AGBL4: variants seen among roughly 807,000 people sequenced by gnomAD.
The protein encoded by AGBL4 is AGBL carboxypeptidase 4.
In AGBL4, 58 loss-of-function variants were observed where a neutral mutation model predicts 66.4. The observed-to-expected ratio is 0.87, with a 90% confidence interval of 0.71 to 1.09. The LOEUF is 1.09. Among genes scored for constraint, AGBL4 ranks in the 50% least tolerant of loss-of-function variants. The pLI is 0.00. For missense variants in AGBL4, 579 were observed against 631.0 expected, an observed-to-expected ratio of 0.92 and a Z score of 0.88; for synonymous variants, 234 against 222.9, an observed-to-expected ratio of 1.05 and a Z score of -0.44.
intron 6 of AGBL4, among the ~76,000 whole-genome samples, chr1:48,813,599 C>T (rs1484982682): frequency 6.6e-6 from 1 of 152,284 alleles, no homozygotes; most frequent in Non-Finnish European, 1.5e-5. Context: ...TATCTACAAC[C>T]TGGCCACCAG....
intron 3 of AGBL4, among the ~76,000 whole-genome samples, chr1:49,466,776 G>C (rs1341024241): frequency 6.6e-6 from 1 of 151,792 alleles, no homozygotes; most frequent in Non-Finnish European, 1.5e-5. Context: ...CCTCATTACA[G>C]AAAGACTTAA....
chr1:49,260,014 C>T (rs1186982774), intron 3 of AGBL4, among the ~76,000 whole-genome samples: 8 of 151,852 alleles, frequency 5.3e-5, no homozygotes, highest in East Asian at 1.9e-4. Context: ...CACTGAAAAC[C>T]GCTCAACTAC....
intron 5 of AGBL4, among the ~76,000 whole-genome samples, chr1:48,977,781 G>C (rs1171229739): frequency 6.6e-6 from 1 of 152,036 alleles, no homozygotes; most frequent in African/African-American, 2.4e-5. Context: ...GACACAAATG[G>C]GAGCAAGAAA....
chr1:48,528,463 G>T (rs1643891114), downstream of AGBL4, among the ~76,000 whole-genome samples: 1 of 152,090 alleles, frequency 6.6e-6, no homozygotes, highest in Non-Finnish European at 1.5e-5. Context: ...AAGCACTAAG[G>T]AGTTATAATA....
intron 3 of AGBL4, among the ~76,000 whole-genome samples, chr1:49,659,088 A>G (rs1341222350): frequency 2.0e-5 from 3 of 152,170 alleles, no homozygotes; most frequent in African/African-American, 4.8e-5. Flanking sequence ...AGGAGAAATA[A>G]AATCTTTTTC....
At chr1:49,220,450 G>A (rs915128571) in intron 4 of AGBL4, among the ~76,000 whole-genome samples, 1 of 152,124 alleles carries the variant, frequency 6.6e-6, no homozygotes, top group Non-Finnish European at 1.5e-5. Context: ...TTGGTAAAAG[G>A]AGAATATCTG....
chr1:49,172,128 C>T (rs534083429), intron 4 of AGBL4, among the ~76,000 whole-genome samples: 4 of 152,252 alleles, frequency 2.6e-5, no homozygotes, highest in South Asian at 2.1e-4. Context: ...TGACTAAGAA[C>T]GAGTAACAAA....
intron 3 of AGBL4, among the ~76,000 whole-genome samples, chr1:49,338,718 G>A (rs1337427641): frequency 6.6e-6 from 1 of 152,138 alleles, no homozygotes; most frequent in African/African-American, 2.4e-5. Context: ...CAAAATTCAA[G>A]GGGAAATATC....
chr1:48,703,396 C>T (rs1019583411), intron 6 of AGBL4, among the ~76,000 whole-genome samples: 6 of 151,542 alleles, frequency 4.0e-5, no homozygotes, highest in Admixed American at 6.6e-5. Flanking sequence ...CAATTCTCAA[C>T]GAATGCAGAA....
chr1:49,476,565 G>A (rs1055093380), intron 3 of AGBL4, among the ~76,000 whole-genome samples: 14 of 151,972 alleles, frequency 9.2e-5, no homozygotes, highest in African/African-American at 3.4e-4. Context: ...AAAAGTACTT[G>A]ATTTTTGAAT....
At chr1:50,004,352 G>C (rs1000234497) in intron 1 of AGBL4, among the ~76,000 whole-genome samples, 1 of 152,198 alleles carries the variant, frequency 6.6e-6, no homozygotes, top group Non-Finnish European at 1.5e-5. Context: ...AAACCTGAAA[G>C]GCAGTCTAGG....
At chr1:49,169,640 C>T (rs778752831) in intron 4 of AGBL4, among the ~76,000 whole-genome samples, 19 of 152,138 alleles carry the variant, frequency 1.2e-4, no homozygotes, top group Non-Finnish European at 2.5e-4. Flanking sequence ...CAGTTATTTC[C>T]CATCCTGCTT....
intron 3 of AGBL4, among the ~76,000 whole-genome samples, chr1:49,413,615 G>A (rs1458722730): frequency 6.6e-6 from 1 of 152,128 alleles, no homozygotes; most frequent in Non-Finnish European, 1.5e-5. Context: ...TTCCATGCCT[G>A]CAAAAGAACC....
chr1:48,695,819 T>C (rs1646705052), intron 6 of AGBL4, among the ~76,000 whole-genome samples: 1 of 152,122 alleles, frequency 6.6e-6, no homozygotes, highest in South Asian at 2.1e-4. Flanking sequence ...AGACAGACTT[T>C]TAGTTTCTAA....
chr1:49,629,832 G>A (rs1244675157), intron 3 of AGBL4, among the ~76,000 whole-genome samples: 7 of 151,678 alleles, frequency 4.6e-5, no homozygotes, highest in African/African-American at 1.5e-4. Flanking sequence ...TCTATTAATG[G>A]TTTTCAGAAA....
chr1:49,258,919 A>T (rs1652823824), intron 3 of AGBL4, among the ~76,000 whole-genome samples: 1 of 152,184 alleles, frequency 6.6e-6, no homozygotes, highest in Non-Finnish European at 1.5e-5. Flanking sequence ...AGGTCGGGTT[A>T]CCCACAAAGG....
chr1:48,818,546 C>A (rs963768064), intron 6 of AGBL4, among the ~76,000 whole-genome samples: 1 of 152,092 alleles, frequency 6.6e-6, no homozygotes, highest in Non-Finnish European at 1.5e-5. Context: ...CACAAAGATG[C>A]CTGTGATTGA....
At chr1:49,604,308 T>C (rs1406458463) in intron 3 of AGBL4, among the ~76,000 whole-genome samples, 2 of 152,254 alleles carry the variant, frequency 1.3e-5, no homozygotes, top group African/African-American at 4.8e-5. Context: ...TGTTTTAATT[T>C]GCATTTTCCT....
intron 7 of AGBL4, among the ~76,000 whole-genome samples, chr1:48,656,240 T>TAGCCA (rs1275841709): frequency 6.6e-6 from 1 of 152,262 alleles, no homozygotes; most frequent in Non-Finnish European, 1.5e-5. Flanking sequence ...TGAACCTCTC[T>TAGCCA]AGCCAAACCT....
Sources: gnomAD v4.1 joint callset for allele counts (sites outside exome capture counted in the v4.1 genomes callset) on GRCh38, gnomAD v4.1.1 for gene constraint, MANE v1.5 for transcripts, NCBI Gene and HGNC (gene_info 2026-07-23, HGNC 2026-07-21) for gene names.